The following FMN2 variants were observed in gnomAD, a reference collection of about 807,000 sequenced individuals.
The protein encoded by FMN2 is formin-2.
FMN2 carries 51 observed loss-of-function variants against 142.3 expected under a neutral mutation model. The ratio of observed to expected loss-of-function variants is 0.36; its 90% confidence interval spans 0.29 to 0.45. FMN2 has a LOEUF of 0.45. FMN2 is among the 20% of genes least tolerant of loss of function. The pLI is 1.00. For missense variants in FMN2, 1,936 were observed against 2,122.8 expected (o/e 0.91, Z 1.73); for synonymous variants, 882 against 869.8 (o/e 1.01, Z -0.25).
At chr1:240,262,426 T>A (rs2102904663) in intron 7 of FMN2, among the ~76,000 whole-genome samples, 1 of 152,320 alleles carries the variant, frequency 6.6e-6, no homozygotes, top group South Asian at 2.1e-4. Context: ...GTGGGGGGAT[T>A]GATTTCAAAT....
intron 8 of FMN2, among the ~76,000 whole-genome samples, chr1:240,309,962 G>A (rs1166680232): frequency 6.6e-6 from 1 of 152,068 alleles, no homozygotes; most frequent in African/African-American, 2.4e-5. Context: ...TGACATGCAC[G>A]GGCTTAGACT....
intron 2 of FMN2, among the ~76,000 whole-genome samples, chr1:240,147,095 T>C (rs1043924337): frequency 2.3e-4 from 35 of 152,178 alleles, no homozygotes; most frequent in African/African-American, 8.2e-4. Flanking sequence ...GGCTTTTTTT[T>C]CTTGTTTCTT....
chr1:240,336,669 G>A (rs1225872667), intron 13 of FMN2, among the ~76,000 whole-genome samples: 4 of 147,680 alleles, frequency 2.7e-5, no homozygotes, highest in South Asian at 2.3e-4. Context: ...AACATATTTT[G>A]AGAAATGCAA....
At chr1:240,210,960 C>A in intron 5 of FMN2, 131 bp from the exon 6 acceptor site, 2 of 732,098 alleles carry the variant, frequency 2.7e-6, no homozygotes, top group Non-Finnish European at 4.3e-6. Context: ...TTTTTTCCTT[C>A]TTATCTCTCT....
chr1:240,129,588 C>T (rs753561845), intron 2 of FMN2, among the ~76,000 whole-genome samples: 9 of 150,842 alleles, frequency 6.0e-5, no homozygotes, highest in South Asian at 2.1e-4. Context: ...CTGCAACCTC[C>T]GCCTCCCAGG....
At chr1:240,379,338 T>G (rs1673151225) in intron 14 of FMN2, among the ~76,000 whole-genome samples, 1 of 152,208 alleles carries the variant, frequency 6.6e-6, no homozygotes, top group African/African-American at 2.4e-5. Context: ...TTATATTTTC[T>G]TGGTGGTTCT....
At chr1:240,441,431 G>A (rs531086148) in intron 16 of FMN2, among the ~76,000 whole-genome samples, 2 of 152,124 alleles carry the variant, frequency 1.3e-5, no homozygotes, top group East Asian at 3.9e-4. Context: ...ATCAGTGTGA[G>A]TAGAACCTCA....
chr1:240,387,386 T>C (rs1185393844), intron 14 of FMN2, among the ~76,000 whole-genome samples: 3 of 152,222 alleles, frequency 2.0e-5, no homozygotes, highest in Non-Finnish European at 4.4e-5. Context: ...AAAATCATTC[T>C]TTTAGATTTC....
intron 6 of FMN2, among the ~76,000 whole-genome samples, chr1:240,250,639 G>T (rs1270602273): frequency 6.6e-6 from 1 of 151,690 alleles, no homozygotes; most frequent in Non-Finnish European, 1.5e-5. Context: ...TATTTTTTTT[G>T]GGGGGTGGGA....
intron 2 of FMN2, among the ~76,000 whole-genome samples, chr1:240,158,668 T>A (rs1664135627): frequency 6.6e-6 from 1 of 152,174 alleles, no homozygotes; most frequent in African/African-American, 2.4e-5. Context: ...GTTTCTATTG[T>A]TAGTATGTTA....
intron 14 of FMN2, among the ~76,000 whole-genome samples, chr1:240,375,926 A>G (rs1409009184): frequency 6.6e-6 from 1 of 151,974 alleles, no homozygotes; most frequent in Non-Finnish European, 1.5e-5. Flanking sequence ...CTGTTTTGTC[A>G]GTTGGGGAAT....
intron 16 of FMN2, among the ~76,000 whole-genome samples, chr1:240,465,839 G>C (rs1234180860): frequency 6.6e-6 from 1 of 152,246 alleles, no homozygotes; most frequent in Non-Finnish European, 1.5e-5. Flanking sequence ...TCTGTCTGCA[G>C]AGCGGGCTGC....
intron 2 of FMN2, among the ~76,000 whole-genome samples, chr1:240,161,769 A>G (rs768665970): frequency 9.2e-5 from 14 of 152,190 alleles, no homozygotes; most frequent in Non-Finnish European, 1.9e-4. Flanking sequence ...GGGTAATCAT[A>G]TGAAAAAGAT....
intron 14 of FMN2, among the ~76,000 whole-genome samples, chr1:240,360,846 T>A (rs1302765692): frequency 6.6e-6 from 1 of 151,884 alleles, no homozygotes; most frequent in Non-Finnish European, 1.5e-5. Context: ...CTGGAAACCA[T>A]CATTCTCAGC....
In FMN2 at chr1:240,419,232, A is replaced by G. The variant is rs147492347; in HGVS notation, c.4911-18829A>G. On this transcript the variant is annotated intron_variant, in intron 15 of 17. Transcript: ENST00000319653. ...GCTTTCGTTTTATGCCTACATATCTAGAGTTTTTCATCTTCCTGGTTAACC... is the reference window on the plus strand; with the variant it reads ...GCTTTCGTTTTATGCCTACATATCTGGAGTTTTTCATCTTCCTGGTTAACC... Among the ~76,000 whole-genome samples the G allele has an allele frequency of 1.6e-4, 25 of 152,242 alleles. No homozygotes were observed. The East Asian group carries it at 2.7e-3, about 16-fold the overall frequency.
At chr1:240,277,246 A>G (rs1669246005) in intron 7 of FMN2, among the ~76,000 whole-genome samples, 2 of 152,212 alleles carry the variant, frequency 1.3e-5, no homozygotes, top group Non-Finnish European at 2.9e-5. Flanking sequence ...AAGAGAATAC[A>G]GATTGAGTTA....
chr1:240,187,269 C>CAAAAAAACAAA (rs1665510433), intron 3 of FMN2, among the ~76,000 whole-genome samples: 1 of 83,794 alleles, frequency 1.2e-5, no homozygotes, highest in Non-Finnish European at 2.3e-5. Context: ...AACTCCATCT[C>CAAAAAAACAAA]AAAAAAAAAA....
intron 2 of FMN2, among the ~76,000 whole-genome samples, chr1:240,162,959 T>TA (rs1409498227): frequency 6.6e-6 from 1 of 152,332 alleles, no homozygotes; most frequent in African/African-American, 2.4e-5. Flanking sequence ...ATCCTTCATT[T>TA]AAAAAATATT....
chr1:240,159,796 G>C (rs937692985), intron 2 of FMN2, among the ~76,000 whole-genome samples: 2 of 151,180 alleles, frequency 1.3e-5, no homozygotes, highest in African/African-American at 4.9e-5. Context: ...AAAAGCCCAA[G>C]TCATGGTGGT....
Sources: allele counts gnomAD v4.1 joint callset (sites outside exome capture counted in the v4.1 genomes callset), GRCh38; gene constraint gnomAD v4.1.1; transcripts MANE v1.5; gene names NCBI Gene and HGNC (gene_info 2026-07-23, HGNC 2026-07-21).